SLC8A3: variants seen among roughly 807,000 people sequenced by gnomAD.
SLC8A3 encodes the protein solute carrier family 8 member A3.
A neutral mutation model predicts 65.4 loss-of-function variants in SLC8A3; 37 were observed. The ratio of observed to expected loss-of-function variants is 0.57; its 90% CI spans 0.44 to 0.74. SLC8A3 has a LOEUF of 0.74. SLC8A3 is among the 30% of genes least tolerant of loss of function. The pLI, the probability that SLC8A3 is intolerant of heterozygous loss-of-function variation, is 0.00. For missense variants in SLC8A3, 1,112 were observed against 1,172.1 expected, an observed-to-expected ratio of 0.95 and a Z score of 0.75; for synonymous variants, 461 against 444.5, an observed-to-expected ratio of 1.04 and a Z score of -0.47.
Position 70,146,750 on chromosome 14 carries a change from A to G in SLC8A3, c.1784+19889T>C, listed in dbSNP as rs184329646. ...GTCTCTTTAGTGCTACGTTTTTCAC[A>G]TGTTTGTGTTTGCGCTGATGAGTTT... is the stretch of plus-strand genomic sequence containing the variant. On this transcript the variant is annotated intron_variant, in intron 2 of 6. Coordinates refer to ENST00000356921, the MANE Select transcript of SLC8A3 (RefSeq NM_182932.3). 3.9e-5 allele frequency among the ~76,000 whole-genome samples: 6 copies of G among 152,054 alleles called. No individual in the cohort carries two copies. The South Asian group carries it at 1.2e-3, about 32-fold the overall frequency.
intron 2 of SLC8A3, among the ~76,000 whole-genome samples, chr14:70,102,887 A>G (rs539769261): frequency 2.0e-5 from 3 of 152,086 alleles, no homozygotes; most frequent in Non-Finnish European, 4.4e-5. Context: ...AAGAAAAATT[A>G]TATAATAATT....
intron 2 of SLC8A3, among the ~76,000 whole-genome samples, chr14:70,146,191 C>A (rs775102028): frequency 8.5e-5 from 13 of 152,138 alleles, no homozygotes; most frequent in African/African-American, 2.4e-4. Flanking sequence ...CTCCAGCATT[C>A]GGCTGAATAA....
At chr14:70,172,681 GA>G (rs147893506) in intron 1 of SLC8A3, among the ~76,000 whole-genome samples, 2,094 of 105,026 alleles carry the variant, frequency 0.02, 38 homozygotes, top group African/African-American at 0.062. Flanking sequence ...GATTAAAAAA[GA>G]AAAAAAAAAA....
chr14:70,150,959 T>C (rs2140305621), intron 2 of SLC8A3, among the ~76,000 whole-genome samples: 1 of 152,256 alleles, frequency 6.6e-6, no homozygotes, highest in African/African-American at 2.4e-5. Context: ...TGGGCAGTTG[T>C]TTAAGAACTA....
intron 2 of SLC8A3, among the ~76,000 whole-genome samples, chr14:70,110,827 C>T (rs1170501458): frequency 6.6e-6 from 1 of 151,988 alleles, no homozygotes; most frequent in Admixed American, 6.6e-5. Flanking sequence ...AATACAGGTG[C>T]CCGCCACCGC....
chr14:70,078,643 T>A (rs1890756536), intron 2 of SLC8A3, among the ~76,000 whole-genome samples: 1 of 152,206 alleles, frequency 6.6e-6, no homozygotes, highest in Admixed American at 6.5e-5. Context: ...ACCACCTACC[T>A]TGTCTATCAC....
At chr14:70,082,405 T>C (rs938212500) in intron 2 of SLC8A3, among the ~76,000 whole-genome samples, 1 of 152,196 alleles carries the variant, frequency 6.6e-6, no homozygotes, top group Non-Finnish European at 1.5e-5. Context: ...GGCAGGAGAT[T>C]GCATTTGTTC....
intron 2 of SLC8A3, among the ~76,000 whole-genome samples, chr14:70,136,718 T>G (rs1895225358): frequency 6.6e-6 from 1 of 152,246 alleles, no homozygotes; most frequent in Non-Finnish European, 1.5e-5. Flanking sequence ...AACACCCATC[T>G]CAACCTAAAA....
chr14:70,158,717 TA>T (rs1896719359), intron 2 of SLC8A3, among the ~76,000 whole-genome samples: 1 of 152,174 alleles, frequency 6.6e-6, no homozygotes, highest in South Asian at 2.1e-4. Context: ...CTTATATATA[TA>T]CACATATCCA....
At chr14:70,101,586 C>T (rs111483899) in intron 2 of SLC8A3, among the ~76,000 whole-genome samples, 6,927 of 152,162 alleles carry the variant, frequency 0.046, 527 homozygotes, top group African/African-American at 0.16. Flanking sequence ...GGGTTTGGGG[C>T]AGGAAGTGAC....
intron 2 of SLC8A3, among the ~76,000 whole-genome samples, chr14:70,142,924 A>G (rs771429806): frequency 1.6e-4 from 24 of 152,180 alleles, no homozygotes; most frequent in Non-Finnish European, 3.4e-4. Context: ...CCTTTGCCTC[A>G]CCCACAATGT....
intron 2 of SLC8A3, among the ~76,000 whole-genome samples, chr14:70,129,568 A>G (rs761640070): frequency 6.6e-6 from 1 of 152,200 alleles, no homozygotes; most frequent in Non-Finnish European, 1.5e-5. Context: ...GAATATTTCA[A>G]TGCATTTATT....
chr14:70,046,298 G>A lies in SLC8A3; in HGVS notation c.2415C>T (p.Ala805=). ...AGGCGTCTGCATATACATCCTGGAG[G>A]GCAGCAGCTTTGCTGGCAAACGTAT... ...VPDTFASKAA[A]LQDVYADASI... Residue 805 remains alanine (A), a synonymous_variant, in exon 7 of 7, where the codon GCC becomes GCT. Transcript: ENST00000356921. The surrounding 1 kb of genome is among the most constrained non-coding windows in gnomAD (Gnocchi z 4.2). 1 of 1,610,038 alleles carries A rather than the reference G, an allele frequency of 6.2e-7. No individual in the cohort carries two copies. Among genetic ancestry groups the A allele is most frequent in the Non-Finnish European group, 8.5e-7 (1 of 1,177,484 alleles).
In SLC8A3 at chr14:70,056,476, C is replaced by G. The variant is rs1370459662; in HGVS notation, c.1888+4360G>C. ...AGAATGACTTAGCAAAAAGGTAAGT[C>G]CTGCAGAATGTTTTCCTTGAATGGT... On this transcript the variant is annotated intron_variant, in intron 3 of 6. Transcript: ENST00000356921. Among the ~76,000 whole-genome samples the G allele has an allele frequency of 3.3e-5, 5 of 152,194 alleles. No homozygotes were observed. The East Asian group carries it at 9.6e-4, about 29-fold the overall frequency.
chr14:70,092,704 T>A (rs1009256), intron 2 of SLC8A3, among the ~76,000 whole-genome samples: 1 of 151,860 alleles, frequency 6.6e-6, no homozygotes, highest in Admixed American at 6.6e-5. Flanking sequence ...CTGGTAGTAA[T>A]GTCTCCAGCC....
intron 2 of SLC8A3, among the ~76,000 whole-genome samples, chr14:70,068,283 CCTT>C (rs2139888954): frequency 6.6e-6 from 1 of 152,258 alleles, no homozygotes; most frequent in South Asian, 2.1e-4. Flanking sequence ...TTGGAGGAGG[CCTT>C]CTTTATACAG....
At chr14:70,178,582 A>G (rs1003856048) in intron 1 of SLC8A3, among the ~76,000 whole-genome samples, 3 of 152,242 alleles carry the variant, frequency 2.0e-5, no homozygotes, top group African/African-American at 7.2e-5. Flanking sequence ...TAAAAAACCC[A>G]AAATATTGAG....
chr14:70,099,799 A>G (rs1259365759), intron 2 of SLC8A3, among the ~76,000 whole-genome samples: 1 of 152,204 alleles, frequency 6.6e-6, no homozygotes, highest in Non-Finnish European at 1.5e-5. Context: ...AATGCTTCCC[A>G]TGGGTGCAGG....
intron 2 of SLC8A3, among the ~76,000 whole-genome samples, chr14:70,073,305 C>A (rs143194546): frequency 0.016 from 2,486 of 152,208 alleles, 27 homozygotes; most frequent in Middle Eastern, 0.034. Flanking sequence ...GGAATTTAAT[C>A]TTCAACCTCC....
Sources: gnomAD v4.1 joint callset for allele counts (sites outside exome capture counted in the v4.1 genomes callset) on GRCh38, gnomAD v4.1.1 for gene constraint, Gnocchi (gnomAD v3.1) non-coding constraint, MANE v1.5 for transcripts, NCBI Gene and HGNC (gene_info 2026-07-23, HGNC 2026-07-21) for gene names.